The following SPOCK3 variants were observed in gnomAD, a reference collection of about 807,000 sequenced individuals.
SPOCK3 encodes the protein testican-3.
SPOCK3 carries 30 observed loss-of-function variants against 56.6 expected under a neutral mutation model. The observed-to-expected ratio is 0.53, with a 90% CI of 0.40 to 0.72. The LOEUF (loss-of-function observed/expected upper bound fraction) is 0.72. Ranked by LOEUF, SPOCK3 falls within the 30% of genes least tolerant of loss-of-function variation. The pLI is 0.00. For missense variants in SPOCK3, 527 were observed against 530.0 expected, an observed-to-expected ratio of 0.99 and a Z score of 0.06; for synonymous variants, 196 against 183.3, an observed-to-expected ratio of 1.07 and a Z score of -0.56.
intron 2 of SPOCK3, among the ~76,000 whole-genome samples, chr4:167,135,071 TATAA>T (rs1183767033): frequency 6.7e-6 from 1 of 149,668 alleles, no homozygotes; most frequent in Non-Finnish European, 1.5e-5. Context: ...CACATATAAA[TATAA>T]ATATATATAT....
chr4:166,755,391 G>T (rs996656063), intron 7 of SPOCK3, among the ~76,000 whole-genome samples: 7 of 152,212 alleles, frequency 4.6e-5, no homozygotes, highest in African/African-American at 1.4e-4. Flanking sequence ...ACGGAACTGG[G>T]TTTGTATTCA....
intron 2 of SPOCK3, among the ~76,000 whole-genome samples, chr4:167,209,481 A>G (rs1734659017): frequency 6.6e-6 from 1 of 152,096 alleles, no homozygotes. Context: ...ATGGAAATGA[A>G]TCATGTTTTC....
intron 3 of SPOCK3, among the ~76,000 whole-genome samples, chr4:167,047,703 T>C (rs1292732956): frequency 6.6e-6 from 1 of 152,222 alleles, no homozygotes; most frequent in Non-Finnish European, 1.5e-5. Flanking sequence ...ATCTTTACTA[T>C]CTATTTTATA....
chr4:166,981,973 GA>G (rs1261130575), intron 4 of SPOCK3, among the ~76,000 whole-genome samples: 1 of 152,226 alleles, frequency 6.6e-6, no homozygotes, highest in East Asian at 1.9e-4. Flanking sequence ...GAGAGGGCAG[GA>G]AGTGGGAGCA....
intron 2 of SPOCK3, among the ~76,000 whole-genome samples, chr4:167,119,143 A>AGGGGGGGGGGGGG (rs67854676): frequency 2.4e-5 from 3 of 123,884 alleles, no homozygotes; most frequent in Non-Finnish European, 3.3e-5. Context: ...GGGGTGGGGG[A>AGGGGGGGGGGGGG]GGGGGGGGAA....
chr4:167,221,028 C>T (rs1342018213), intron 2 of SPOCK3, among the ~76,000 whole-genome samples: 1 of 151,990 alleles, frequency 6.6e-6, no homozygotes, highest in African/African-American at 2.4e-5. Flanking sequence ...AATAGACAGT[C>T]AATGTGACCG....
At chr4:166,934,869 T>C (rs1291707092) in intron 4 of SPOCK3, among the ~76,000 whole-genome samples, 4 of 151,960 alleles carry the variant, frequency 2.6e-5, no homozygotes, top group African/African-American at 9.7e-5. Context: ...GTGGTTGTGT[T>C]GCACTTTTAT....
chr4:166,806,652 T>C (rs1245163363), intron 6 of SPOCK3, among the ~76,000 whole-genome samples: 1 of 152,056 alleles, frequency 6.6e-6, no homozygotes, highest in South Asian at 2.1e-4. Context: ...GGTGACAACA[T>C]TTTAGTAAAA....
chr4:166,881,210 A>G (rs62354069), intron 6 of SPOCK3, among the ~76,000 whole-genome samples: 11,732 of 152,050 alleles, frequency 0.077, 539 homozygotes, highest in Non-Finnish European at 0.1. Context: ...TAGAAACATC[A>G]GTCACATAAT....
intron 6 of SPOCK3, among the ~76,000 whole-genome samples, chr4:166,837,765 C>T (rs1746785404): frequency 6.6e-6 from 1 of 152,056 alleles, no homozygotes; most frequent in Non-Finnish European, 1.5e-5. Flanking sequence ...GTACCATGTC[C>T]TTTCTTCCTT....
intron 2 of SPOCK3, among the ~76,000 whole-genome samples, chr4:167,204,788 C>T (rs1344367319): frequency 6.6e-6 from 1 of 151,524 alleles, no homozygotes; most frequent in Non-Finnish European, 1.5e-5. Flanking sequence ...GGCGACGGGT[C>T]TTTGTTATAG....
intron 2 of SPOCK3, among the ~76,000 whole-genome samples, chr4:167,070,267 T>G (rs138551218): frequency 6.6e-6 from 1 of 151,926 alleles, no homozygotes; most frequent in Non-Finnish European, 1.5e-5. Flanking sequence ...CAGCCAAATA[T>G]TTATAGTTGT....
At chr4:166,856,272 TG>T (rs927662558) in intron 6 of SPOCK3, among the ~76,000 whole-genome samples, 1 of 152,120 alleles carries the variant, frequency 6.6e-6, no homozygotes, top group African/African-American at 2.4e-5. Flanking sequence ...GATGTTCTAT[TG>T]CACAGCATGG....
rs1735952898 is a variant in SPOCK3 at position 166,748,578 on chromosome 4, A to G, written c.931+5930T>C. ...TACCATTCAGGACATAGGCATGGGCAAAGACTTCATGTCTAAAACACCAAA... is the reference window on the plus strand; with the variant it reads ...TACCATTCAGGACATAGGCATGGGCGAAGACTTCATGTCTAAAACACCAAA... On this transcript the variant is annotated intron_variant, in intron 8 of 10. Transcript: ENST00000357545. 2.2e-5 allele frequency among the ~76,000 whole-genome samples: 3 copies of G among 136,840 alleles called. 1 individual carries two copies. Among genetic ancestry groups the G allele is most frequent in the Admixed American group, 1.4e-4 (2 of 14,262 alleles). 89.8% of individuals were successfully genotyped at this position (136,840 alleles called of 152,430 possible). A position where few individuals can be genotyped will look rare whatever the true frequency, so the allele number is the denominator to read the frequency against.
intron 2 of SPOCK3, among the ~76,000 whole-genome samples, chr4:167,094,837 C>T (rs964654713): frequency 6.6e-6 from 1 of 151,934 alleles, no homozygotes; most frequent in Admixed American, 6.6e-5. Flanking sequence ...GAATAATGTA[C>T]ATAGAGAAAG....
intron 3 of SPOCK3, among the ~76,000 whole-genome samples, chr4:167,002,402 A>G (rs1236419769): frequency 6.6e-6 from 1 of 152,178 alleles, no homozygotes; most frequent in African/African-American, 2.4e-5. Flanking sequence ...GAATGTTAAC[A>G]CATATCATTG....
intron 4 of SPOCK3, among the ~76,000 whole-genome samples, chr4:166,945,570 A>C (rs1459943137): frequency 6.6e-6 from 1 of 152,168 alleles, no homozygotes; most frequent in Non-Finnish European, 1.5e-5. Flanking sequence ...ACCCATCAAC[A>C]TATAGCCATC....
In SPOCK3 at chr4:166,832,948, G is replaced by T. The variant is rs536477837; in HGVS notation, c.590-40659C>A. Among the ~76,000 whole-genome samples, 16 of 152,156 alleles carry T rather than the reference G, an allele frequency of 1.1e-4. No homozygotes were observed. In the East Asian group the frequency reaches 3.1e-3, roughly 29 times the overall value. ...ACGAGGATTGAAAAACTAACTATTA[G>T]GTACTATACTCACTACCTGGGTGTC... is the stretch of plus-strand genomic sequence containing the variant. On this transcript the variant is annotated intron_variant, in intron 6 of 10. Transcript: ENST00000357545.
At chr4:167,105,641 A>G (rs1760056614) in intron 2 of SPOCK3, among the ~76,000 whole-genome samples, 1 of 151,766 alleles carries the variant, frequency 6.6e-6, no homozygotes, top group African/African-American at 2.4e-5. Context: ...TAAATGGACT[A>G]AATTGAAATG....
Sources: gnomAD v4.1 joint callset for allele counts (sites outside exome capture counted in the v4.1 genomes callset) on GRCh38, gnomAD v4.1.1 for gene constraint, MANE v1.5 for transcripts, NCBI Gene and HGNC (gene_info 2026-07-23, HGNC 2026-07-21) for gene names.